The following TAS2R1 variants were observed in gnomAD, a reference collection of about 807,000 sequenced individuals.
TAS2R1 encodes the protein taste receptor type 2 member 1.
For synonymous variants in TAS2R1, 141 were observed against 134.2 expected (o/e 1.05, Z -0.35); for missense variants, 370 against 353.4 (o/e 1.05, Z -0.38).
At chr5:9,718,142 T>TTA in the TAS2R1 span, among the ~76,000 whole-genome samples, 2 of 149,820 alleles carry the variant, frequency 1.3e-5, no homozygotes, top group Admixed American at 6.6e-5. Context: ...TTTTTTTTTT[T>TTA]GTATTTTTAG....
chr5:9,774,978 C>G, the TAS2R1 span, among the ~76,000 whole-genome samples: 1 of 152,198 alleles, frequency 6.6e-6, no homozygotes, highest in Non-Finnish European at 1.5e-5. Flanking sequence ...CAATCAGCAG[C>G]TGCAAAAGCA....
chr5:9,807,868 A>G, the TAS2R1 span, among the ~76,000 whole-genome samples: 1 of 152,174 alleles, frequency 6.6e-6, no homozygotes, highest in South Asian at 2.1e-4. Context: ...ATTGAAATAA[A>G]AATAAAACAA....
intron 2 of TAS2R1, among the ~76,000 whole-genome samples, chr5:9,645,968 A>G (rs796562256): frequency 1.3e-4 from 20 of 152,244 alleles, no homozygotes; most frequent in African/African-American, 4.6e-4. Context: ...TTTTTGTCAC[A>G]TTGGGTGTGC....
chr5:9,699,889 G>T (rs886576893), intron 1 of TAS2R1, among the ~76,000 whole-genome samples: 1 of 152,104 alleles, frequency 6.6e-6, no homozygotes, highest in Non-Finnish European at 1.5e-5. Context: ...AAAGTTAGCG[G>T]ACTCCCTGGG....
chr5:9,760,552 A>T, the TAS2R1 span, among the ~76,000 whole-genome samples: 1 of 152,250 alleles, frequency 6.6e-6, no homozygotes, highest in East Asian at 1.9e-4. Flanking sequence ...GACATCAATC[A>T]TTGTGGTCCA....
chr5:9,751,657 G>C, the TAS2R1 span, among the ~76,000 whole-genome samples: 4,502 of 152,124 alleles, frequency 0.03, 69 homozygotes, highest in Non-Finnish European at 0.033. Flanking sequence ...TAAAGTAAGA[G>C]GTATACAAGA....
At chr5:9,708,492 C>T (rs1483713072) in intron 1 of TAS2R1, among the ~76,000 whole-genome samples, 1 of 152,188 alleles carries the variant, frequency 6.6e-6, no homozygotes, top group Non-Finnish European at 1.5e-5. Flanking sequence ...TTTTGTCTCT[C>T]CTTTTACACA....
chr5:9,662,259 C>T (rs1561372337), intron 1 of TAS2R1, among the ~76,000 whole-genome samples: 1 of 152,138 alleles, frequency 6.6e-6, no homozygotes, highest in Non-Finnish European at 1.5e-5. Context: ...GAATCTGTTG[C>T]TATTTCAATA....
At chr5:9,830,456 CA>C in the TAS2R1 span, among the ~76,000 whole-genome samples, 1 of 151,554 alleles carries the variant, frequency 6.6e-6, no homozygotes, top group East Asian at 1.9e-4. Flanking sequence ...ATGACAGACA[CA>C]AAAATAGATG....
the TAS2R1 span, among the ~76,000 whole-genome samples, chr5:9,819,258 G>A: frequency 5.8e-4 from 88 of 152,294 alleles, no homozygotes; most frequent in African/African-American, 2.1e-3. Context: ...AAGGTGCTGA[G>A]TTTGTGGTTC....
the TAS2R1 span, among the ~76,000 whole-genome samples, chr5:9,848,999 C>CGTT: frequency 3.3e-5 from 5 of 152,196 alleles, no homozygotes; most frequent in Non-Finnish European, 7.3e-5. Flanking sequence ...GAGAAGAATA[C>CGTT]GTTTCCTTGC....
At chr5:9,845,824 C>T in the TAS2R1 span, among the ~76,000 whole-genome samples, 2 of 152,148 alleles carry the variant, frequency 1.3e-5, no homozygotes, top group African/African-American at 4.8e-5. Flanking sequence ...GTGGACATAA[C>T]GATTATTGAT....
At chr5:9,869,873 C>T in the TAS2R1 span, among the ~76,000 whole-genome samples, 2 of 152,130 alleles carry the variant, frequency 1.3e-5, no homozygotes, top group Non-Finnish European at 2.9e-5. Flanking sequence ...CAAACCTGAG[C>T]GTGATCTTTG....
intron 1 of TAS2R1, among the ~76,000 whole-genome samples, chr5:9,667,254 G>A (rs567610331): frequency 4.5e-4 from 69 of 152,270 alleles, no homozygotes; most frequent in Non-Finnish European, 7.4e-4. Flanking sequence ...AAAACACCCT[G>A]ATGGCAGGGT....
At chr5:9,708,040 T>C (rs763732851) in intron 1 of TAS2R1, among the ~76,000 whole-genome samples, 2 of 152,148 alleles carry the variant, frequency 1.3e-5, no homozygotes, top group African/African-American at 2.4e-5. Flanking sequence ...GACTCAACTA[T>C]GAATATTCTG....
chr5:9,740,035 A>G, the TAS2R1 span, among the ~76,000 whole-genome samples: 4 of 152,182 alleles, frequency 2.6e-5, no homozygotes, highest in African/African-American at 9.7e-5. Context: ...CTATTCATGA[A>G]GCTGAGAGGG....
At chr5:9,717,672 A>G in the TAS2R1 span, among the ~76,000 whole-genome samples, 10 of 147,340 alleles carry the variant, frequency 6.8e-5, no homozygotes, top group African/African-American at 2.5e-4. Context: ...AAACAATAAA[A>G]TGTCAAGGAA....
the TAS2R1 span, among the ~76,000 whole-genome samples, chr5:9,811,992 C>T: frequency 6.0e-4 from 91 of 152,196 alleles, no homozygotes; most frequent in African/African-American, 1.9e-3. Flanking sequence ...TTCCTCCCCC[C>T]GCATTGCTTG....
At position 9,629,284 on chromosome 5, in the gene TAS2R1, A is replaced by G; in HGVS notation, c.749T>C (p.Leu250Pro). 1 of 1,614,006 alleles carries G rather than the reference A, an allele frequency of 6.2e-7. No homozygotes were observed. The highest frequency in any genetic ancestry group is 2.2e-5 in the East Asian group (1 of 44,886). ...HCMIKVFLSSLKFHIRRFIFL... is the reference protein window; with the variant it reads ...HCMIKVFLSSPKFHIRRFIFL... ...GATGAACCTTCTGATGTGAAACTTT[A>G]GAGAAGAGAGAAAAACTTTTATCAT... The change falls in exon 1 of 1, where the codon CTA (leucine) becomes CCA (proline). Residue 250 changes from leucine (L) to proline (P), a missense_variant. Transcript: ENST00000382492.
Sources: gnomAD v4.1 joint callset for allele counts (sites outside exome capture counted in the v4.1 genomes callset) on GRCh38, gnomAD v4.1.1 for gene constraint, MANE v1.5 for transcripts, NCBI Gene and HGNC (gene_info 2026-07-23, HGNC 2026-07-21) for gene names.